Variants in OPRM1 observed in about 807,000 individuals in gnomAD.
OPRM1 encodes mu-type opioid receptor.
A neutral mutation model predicts 31.8 loss-of-function variants in OPRM1; 27 were observed. The observed-to-expected ratio is 0.85, with a 90% CI of 0.63 to 1.17. OPRM1 has a LOEUF of 1.17. OPRM1 is among the 50% of genes most tolerant of loss of function. The pLI, the probability that OPRM1 is intolerant of heterozygous loss-of-function variation, is 0.00. For missense variants in OPRM1, 536 were observed against 511.1 expected (o/e 1.05, Z -0.47); for synonymous variants, 196 against 189.9 (o/e 1.03, Z -0.26).
intron 3 of OPRM1, among the ~76,000 whole-genome samples, chr6:154,112,185 A>G (rs1345683840): frequency 6.6e-6 from 1 of 152,230 alleles, no homozygotes; most frequent in East Asian, 1.9e-4. Context: ...TGTCAAATCT[A>G]CTAACTGTAC....
chr6:154,155,330 A>G (rs1408876805), intron 3 of OPRM1: 1 of 150,876 alleles, frequency 6.6e-6, no homozygotes, highest in Non-Finnish European at 1.5e-5. Flanking sequence ...CTAGGATTCA[A>G]TTTCTCCTGT....
chr6:154,169,120 G>T (rs1385567180), intron 3 of OPRM1, among the ~76,000 whole-genome samples: 1 of 152,066 alleles, frequency 6.6e-6, no homozygotes. Context: ...CAACACTTTG[G>T]GAGGCCAAGG....
At chr6:154,012,286 A>G (rs1384415573) in intron 1 of OPRM1, among the ~76,000 whole-genome samples, 2 of 152,214 alleles carry the variant, frequency 1.3e-5, no homozygotes, top group African/African-American at 2.4e-5. Flanking sequence ...AACTTTCCAC[A>G]ATGTTTAAAT....
chr6:154,224,061 G>A lies in OPRM1; in HGVS notation c.1165-22632G>A, dbSNP rs753511480. On this transcript the variant is annotated intron_variant, in intron 3 of 3. Transcript: ENST00000337049. ...GAGCCACAACAAAGCTAGATTGTTCGTCACCCATAGAACTCAAATCTTCTT... is the reference window on the plus strand; with the variant it reads ...GAGCCACAACAAAGCTAGATTGTTCATCACCCATAGAACTCAAATCTTCTT... Among the ~76,000 whole-genome samples, 9 of 152,274 alleles carry A rather than the reference G, an allele frequency of 5.9e-5. No individual in the cohort carries two copies. In the East Asian group the frequency reaches 9.6e-4, roughly 16 times the overall value.
intron 3 of OPRM1, among the ~76,000 whole-genome samples, chr6:154,227,524 G>C (rs1779355467): frequency 6.6e-6 from 1 of 152,264 alleles, no homozygotes; most frequent in African/African-American, 2.4e-5. Flanking sequence ...TTCAAGACCA[G>C]CCTGGGCAAC....
intron 3 of OPRM1, among the ~76,000 whole-genome samples, chr6:154,229,189 A>G (rs1432143959): frequency 6.6e-6 from 1 of 152,208 alleles, no homozygotes; most frequent in Non-Finnish European, 1.5e-5. Context: ...TGAAGGAAAT[A>G]ACTGTGTTGT....
intron 3 of OPRM1, among the ~76,000 whole-genome samples, chr6:154,186,071 C>T (rs6906755): frequency 0.35 from 53,926 of 152,050 alleles, 9,884 homozygotes; most frequent in Middle Eastern, 0.49. Context: ...GTTCTCTCTC[C>T]CCAGGTGATC....
At chr6:154,137,233 T>A (rs1471980362), downstream of OPRM1, among the ~76,000 whole-genome samples, 2 of 152,146 alleles carry the variant, frequency 1.3e-5, no homozygotes, top group Non-Finnish European at 2.9e-5. Context: ...TACAAGTCCA[T>A]AATTAGAAAA....
chr6:154,201,753 G>A (rs1777088697), intron 3 of OPRM1, among the ~76,000 whole-genome samples: 1 of 152,186 alleles, frequency 6.6e-6, no homozygotes, highest in African/African-American at 2.4e-5. Context: ...AAATTAGCAG[G>A]ACATGGTGGC....
Position 154,122,326 on chromosome 6 carries a change from A to C in OPRM1, c.*3605A>C, listed in dbSNP as rs956715635. Among the ~76,000 whole-genome samples the C allele has an allele frequency of 6.6e-6, 1 of 152,198 alleles. No individual in the cohort carries two copies. Among genetic ancestry groups the C allele is most frequent in the African/African-American group, 2.4e-5 (1 of 41,464 alleles). ...CAAGATTCTTGCCTGGATTCTCAAC[A>C]TAAGTCTTTACTCACAGGCCTATTG... On this transcript the variant is annotated 3_prime_UTR_variant, in exon 4 of 4. Transcript: ENST00000330432.
intron 3 of OPRM1, among the ~76,000 whole-genome samples, chr6:154,165,325 A>G (rs973916869): frequency 1.3e-5 from 2 of 151,684 alleles, no homozygotes; most frequent in African/African-American, 4.8e-5. Context: ...AAAGACAACC[A>G]CTCTCTTGAC....
At chr6:154,229,462 G>T (rs182705895) in intron 3 of OPRM1, among the ~76,000 whole-genome samples, 296 of 146,094 alleles carry the variant, frequency 2.0e-3, no homozygotes, top group African/African-American at 7.4e-3. Context: ...CCATTCTCCC[G>T]CCTCAGCCTC....
In OPRM1 at chr6:154,090,227, G is replaced by A. The variant is rs201263624; in HGVS notation, c.643+49G>A. On this transcript the variant is annotated intron_variant, in intron 2 of 3. Transcript: ENST00000330432. ...GGAAGGAGGGTTCACAGCCTGATAT[G>A]TTGGTGATGTCATAAGCAAAGCAGT... 6.2e-5 allele frequency: 76 copies of A among 1,225,678 alleles called. No individual in the cohort carries two copies. The African/African-American group carries it at 1.0e-3, about 16-fold the overall frequency. 75.9% of individuals were successfully genotyped at this position (1,225,678 alleles called of 1,614,324 possible). A position where few individuals can be genotyped will look rare whatever the true frequency, so the allele number is the denominator to read the frequency against.
intron 3 of OPRM1, among the ~76,000 whole-genome samples, chr6:154,101,622 C>T (rs1354466338): frequency 2.0e-5 from 3 of 152,106 alleles, no homozygotes; most frequent in Non-Finnish European, 4.4e-5. Flanking sequence ...CACAGTTCTT[C>T]GAACACTGGA....
intron 3 of OPRM1, among the ~76,000 whole-genome samples, chr6:154,148,004 CATAAG>C (rs1418579910): frequency 1.8e-4 from 28 of 152,188 alleles, no homozygotes; most frequent in African/African-American, 6.3e-4. Flanking sequence ...TCTCCATTCT[CATAAG>C]ATGTCTTCCA....
At chr6:154,199,973 T>C (rs764672174) in intron 3 of OPRM1, 1 of 1,614,202 alleles carries the variant, frequency 6.2e-7, no homozygotes, top group Non-Finnish European at 8.5e-7. Context: ...CACTGTATTT[T>C]CCAGGGAAGA....
chr6:154,163,588 C>G (rs985723643), intron 3 of OPRM1, among the ~76,000 whole-genome samples: 2 of 152,112 alleles, frequency 1.3e-5, no homozygotes, highest in Non-Finnish European at 2.9e-5. Flanking sequence ...ATCTGACATG[C>G]CCAGTGCTAT....
chr6:154,043,875 C>A (rs1583198241), intron 1 of OPRM1, among the ~76,000 whole-genome samples: 1 of 152,150 alleles, frequency 6.6e-6, no homozygotes, highest in East Asian at 1.9e-4. Context: ...GAAACTAATT[C>A]AGAGGAGAAC....
At chr6:154,178,165 G>A (rs924979895) in intron 3 of OPRM1, among the ~76,000 whole-genome samples, 2 of 152,100 alleles carry the variant, frequency 1.3e-5, no homozygotes, top group Non-Finnish European at 2.9e-5. Flanking sequence ...GGGAGGGATA[G>A]CGTTAGGAGA....
Sources: gnomAD v4.1 joint callset for allele counts (sites outside exome capture counted in the v4.1 genomes callset) on GRCh38, gnomAD v4.1.1 for gene constraint, MANE v1.5 for transcripts, NCBI Gene and HGNC (gene_info 2026-07-23, HGNC 2026-07-21) for gene names.